Variants in GRM5 observed in about 807,000 individuals in gnomAD.
GRM5 encodes the protein glutamate metabotropic receptor 5.
In GRM5, 19 loss-of-function variants were observed where a neutral mutation model predicts 83.1. The ratio of observed to expected loss-of-function variants is 0.23; its 90% CI spans 0.16 to 0.34. The LOEUF (loss-of-function observed/expected upper bound fraction) is 0.34. Ranked by LOEUF, GRM5 falls within the 10% of genes least tolerant of loss-of-function variation. The probability of loss-of-function intolerance (pLI) is 1.00; values close to 1 mark genes in which losing one functional copy is unlikely to be tolerated. For missense variants in GRM5, 1,160 were observed against 1,588.3 expected (o/e 0.73, Z 4.58); for synonymous variants, 675 against 633.6 (o/e 1.07, Z -0.98).
chr11:88,512,221 A>G (rs973434626), intron 9 of GRM5: 3 of 153,612 alleles, frequency 2.0e-5, no homozygotes, highest in African/African-American at 7.3e-5. Context: ...AAGTATTGAC[A>G]TCTTTTTCCT....
intron 2 of GRM5, among the ~76,000 whole-genome samples, chr11:88,890,285 C>G (rs1416083526): frequency 6.6e-6 from 1 of 152,100 alleles, no homozygotes; most frequent in African/African-American, 2.4e-5. Context: ...TATAAAATGG[C>G]ACACTTAATT....
intron 2 of GRM5, among the ~76,000 whole-genome samples, chr11:88,913,048 C>T (rs778107279): frequency 6.6e-6 from 1 of 152,148 alleles, no homozygotes; most frequent in South Asian, 2.1e-4. Context: ...TTGCAGTGGG[C>T]CTTGCAAATT....
intron 3 of GRM5, among the ~76,000 whole-genome samples, chr11:88,759,419 T>C (rs1942464498): frequency 6.6e-6 from 1 of 152,056 alleles, no homozygotes; most frequent in Non-Finnish European, 1.5e-5. Context: ...AAAGCAGGCA[T>C]TGCAATCCTA....
chr11:88,845,423 CT>C (rs71046265), intron 3 of GRM5, among the ~76,000 whole-genome samples: 18 of 92,430 alleles, frequency 1.9e-4, no homozygotes, highest in South Asian at 9.3e-4. Flanking sequence ...ATAAACATAA[CT>C]TTTTTTTTTT....
intron 3 of GRM5, among the ~76,000 whole-genome samples, chr11:88,790,997 G>T (rs1222243260): frequency 1.3e-5 from 2 of 152,176 alleles, no homozygotes; most frequent in African/African-American, 4.8e-5. Flanking sequence ...CACAGGAGAG[G>T]AAATGGAAAC....
chr11:88,698,110 C>T (rs1940943663), intron 3 of GRM5, among the ~76,000 whole-genome samples: 1 of 152,188 alleles, frequency 6.6e-6, no homozygotes, highest in South Asian at 2.1e-4. Context: ...CCATTCTCCA[C>T]AGGGTAGCTA....
intron 2 of GRM5, among the ~76,000 whole-genome samples, chr11:88,889,837 G>T (rs1395043392): frequency 1.3e-5 from 2 of 152,106 alleles, no homozygotes; most frequent in African/African-American, 4.8e-5. Context: ...AGACCCCATT[G>T]TGGGGAAAAA....
intron 4 of GRM5, among the ~76,000 whole-genome samples, chr11:88,634,531 G>A (rs1939066907): frequency 6.6e-6 from 1 of 152,024 alleles, no homozygotes; most frequent in Non-Finnish European, 1.5e-5. Flanking sequence ...CATGCACAGG[G>A]TGAGGATCAT....
chr11:88,735,323 C>T (rs142121974), intron 3 of GRM5, among the ~76,000 whole-genome samples: 13 of 152,148 alleles, frequency 8.5e-5, no homozygotes, highest in Non-Finnish European at 1.9e-4. Context: ...GCTTTGCCAA[C>T]ATTCATTTTG....
rs989376258 is a variant in GRM5, at chr11:88,788,867, C to T, written c.911+61039G>A. On this transcript the variant is annotated intron_variant, in intron 3 of 9. Coordinates refer to ENST00000305447, the MANE Select transcript of GRM5 (RefSeq NM_001143831.3). ...ATAAAACTTTTCATAGGCAAGAAAA[C>T]GTGTGAAATCCTAGGTGAAGGATGA... is the stretch of plus-strand genomic sequence containing the variant. 1.2e-4 allele frequency among the ~76,000 whole-genome samples: 18 copies of T among 152,040 alleles called. No individual in the cohort carries two copies. The East Asian group carries it at 2.1e-3, about 18-fold the overall frequency.
intron 4 of GRM5, among the ~76,000 whole-genome samples, chr11:88,608,644 G>A (rs976496972): frequency 6.7e-6 from 1 of 148,778 alleles, no homozygotes; most frequent in Admixed American, 6.9e-5. Context: ...TCAGCCTCCC[G>A]AGTAGCTGGG....
At chr11:89,014,691 G>C (rs545668210) in intron 2 of GRM5, among the ~76,000 whole-genome samples, 2 of 152,210 alleles carry the variant, frequency 1.3e-5, no homozygotes, top group Non-Finnish European at 2.9e-5. Context: ...TGGATTGTTT[G>C]TAACTCAAAG....
At chr11:89,014,036 T>C (rs931964244) in intron 2 of GRM5, among the ~76,000 whole-genome samples, 7 of 152,176 alleles carry the variant, frequency 4.6e-5, no homozygotes, top group African/African-American at 1.7e-4. Flanking sequence ...CCAACATCAG[T>C]AAGTCAGGTA....
chr11:88,723,172 G>T, intron 3 of GRM5, among the ~76,000 whole-genome samples: 1 of 148,746 alleles, frequency 6.7e-6, no homozygotes, highest in South Asian at 2.2e-4. Context: ...ATAGCAATAT[G>T]CTCTCAAGGC....
At chr11:88,802,240 TC>T (rs1943411495) in intron 3 of GRM5, among the ~76,000 whole-genome samples, 1 of 152,038 alleles carries the variant, frequency 6.6e-6, no homozygotes, top group African/African-American at 2.4e-5. Context: ...CCAGCTCAGC[TC>T]ACAAAAATCA....
chr11:88,695,011 T>A (rs1336792709), intron 3 of GRM5, among the ~76,000 whole-genome samples: 2 of 152,188 alleles, frequency 1.3e-5, no homozygotes, highest in Non-Finnish European at 2.9e-5. Context: ...AAACATGGCC[T>A]TGTACCAATT....
chr11:88,559,791 G>A (rs555359749), intron 8 of GRM5, among the ~76,000 whole-genome samples: 2 of 152,304 alleles, frequency 1.3e-5, no homozygotes, highest in South Asian at 4.1e-4. Flanking sequence ...GGTATAGTGT[G>A]TGTCTGTGGC....
intron 9 of GRM5, among the ~76,000 whole-genome samples, chr11:88,522,603 C>CTCTCTCTCTG (rs1206475339): frequency 2.4e-5 from 3 of 127,290 alleles, no homozygotes; most frequent in African/African-American, 5.7e-5. Flanking sequence ...CTCTCTCTCT[C>CTCTCTCTCTG]TGTGTGTGTG....
At chr11:88,607,376 GACTACTTAGCACTAA>G (rs1174465646) in intron 4 of GRM5, among the ~76,000 whole-genome samples, 1 of 152,054 alleles carries the variant, frequency 6.6e-6, no homozygotes, top group Admixed American at 6.6e-5. Flanking sequence ...TCTGGAATTA[GACTACTTAGCACTAA>G]TCTACTTCTA....
Sources: gnomAD v4.1 joint callset for allele counts (sites outside exome capture counted in the v4.1 genomes callset) on GRCh38, gnomAD v4.1.1 for gene constraint, MANE v1.5 for transcripts, NCBI Gene and HGNC (gene_info 2026-07-23, HGNC 2026-07-21) for gene names.